The following EPAS1 variants were observed in gnomAD, a reference collection of about 807,000 sequenced individuals.
EPAS1 encodes endothelial PAS domain protein 1.
Under a neutral mutation model 87.9 loss-of-function variants are expected in EPAS1, and 23 were observed. The observed-to-expected ratio is 0.26, with a 90% CI of 0.19 to 0.37. The LOEUF (loss-of-function observed/expected upper bound fraction) is 0.37, where lower values mean the gene tolerates loss of function less well. Ranked by LOEUF, EPAS1 falls within the 10% of genes least tolerant of loss-of-function variation. The probability of loss-of-function intolerance (pLI) is 1.00; values close to 1 mark genes in which losing one functional copy is unlikely to be tolerated. For missense variants in EPAS1, 1,138 were observed against 1,120.7 expected, an observed-to-expected ratio of 1.02 and a Z score of -0.22; for synonymous variants, 508 against 444.3, an observed-to-expected ratio of 1.14 and a Z score of -1.80.
chr2:46,378,879 G>A (rs752007607), intron 11 of EPAS1, 112 bp downstream of exon 11: 13 of 1,056,854 alleles, frequency 1.2e-5, no homozygotes, highest in South Asian at 7.8e-5. Flanking sequence ...CAGTGGAGAC[G>A]TTTGGCCAAG....
rs1221007973 is a variant in EPAS1 at position 46,346,196 on chromosome 2, G to C, written c.27-677G>C. On this transcript the variant is annotated intron_variant, in intron 1 of 15. Transcript: ENST00000263734. This position sits in a 1 kb window ranked among gnomAD's most constrained non-coding sequence, Gnocchi z 4.0. ...GCAGCAAAGAGGAGAATGAGGCTGA[G>C]ACAGCCTGGCAACCTATGCTGGCAG... 1.3e-5 allele frequency among the ~76,000 whole-genome samples: 2 copies of C among 152,214 alleles called. No homozygotes were observed. The highest frequency in any genetic ancestry group is 2.9e-5 in the Non-Finnish European group (2 of 68,042).
rs1054739938 is a variant in EPAS1 at position 46,346,215 on chromosome 2, C to T, written c.27-658C>T. On this transcript the variant is annotated intron_variant, in intron 1 of 15. Coordinates refer to ENST00000263734, the MANE Select transcript of EPAS1 (RefSeq NM_001430.5). This position sits in a 1 kb window ranked among gnomAD's most constrained non-coding sequence, Gnocchi z 4.0. Reference sequence around the variant, plus strand: ...GGCTGAGACAGCCTGGCAACCTATGCTGGCAGGGCTTAGAGAGAAAATGTT... The same window carrying T: ...GGCTGAGACAGCCTGGCAACCTATGTTGGCAGGGCTTAGAGAGAAAATGTT... Among the ~76,000 whole-genome samples, 7 of 152,216 alleles carry T rather than the reference C, an allele frequency of 4.6e-5. No individual in the cohort carries two copies. Among genetic ancestry groups the T allele is most frequent in the Non-Finnish European group, 7.3e-5 (5 of 68,038 alleles).
chr2:46,316,082 T>C (rs1191028348), intron 1 of EPAS1, among the ~76,000 whole-genome samples: 4 of 152,202 alleles, frequency 2.6e-5, no homozygotes, highest in African/African-American at 9.7e-5. Flanking sequence ...ATCATGAATA[T>C]TGATATATAA....
chr2:46,331,453 A>G (rs1683671204), intron 1 of EPAS1, among the ~76,000 whole-genome samples: 1 of 152,202 alleles, frequency 6.6e-6, no homozygotes, highest in Non-Finnish European at 1.5e-5. Flanking sequence ...AAACAAAACA[A>G]AACTGTTTTA....
chr2:46,300,341 T>C lies in EPAS1; in HGVS notation c.26+2404T>C, dbSNP rs768758057. On this transcript the variant is annotated intron_variant, in intron 1 of 15. Coordinates refer to ENST00000263734, the MANE Select transcript of EPAS1 (RefSeq NM_001430.5). The surrounding 1 kb of genome is among the most constrained non-coding windows in gnomAD (Gnocchi z 4.1). The stretch of plus-strand genomic sequence containing the variant: ...GTGTTTCTTTGGTTTAGCAGAGCAG[T>C]TTCTTCCCCCAAATGCAATATGGGC... Among the ~76,000 whole-genome samples, 3 of 152,226 alleles carry C rather than the reference T, an allele frequency of 2.0e-5. No individual in the cohort carries two copies. Among genetic ancestry groups the C allele is most frequent in the Admixed American group, 6.5e-5 (1 of 15,290 alleles).
At position 46,346,851 on chromosome 2, in the gene EPAS1, T is replaced by C; in HGVS notation, c.27-22T>C. ...AGGCTGACAGTAACCTTTCCGGGAC[T>C]AACCCCTTCTTCTCCACTTAGGAGT... On this transcript the variant is annotated intron_variant, in intron 1 of 15. Transcript: ENST00000263734. This position sits in a 1 kb window ranked among gnomAD's most constrained non-coding sequence, Gnocchi z 4.0. 2 of 1,613,972 alleles carry C rather than the reference T, an allele frequency of 1.2e-6. No homozygotes were observed. Among genetic ancestry groups the C allele is most frequent in the Non-Finnish European group, 1.7e-6 (2 of 1,179,878 alleles).
chr2:46,302,204 TAAGTA>T (rs1465241992), intron 1 of EPAS1, among the ~76,000 whole-genome samples: 16 of 151,500 alleles, frequency 1.1e-4, no homozygotes, highest in African/African-American at 3.2e-4. Context: ...AGGAATTTAT[TAAGTA>T]AAGTGTTTAG....
rs562805187 is a variant in EPAS1 at position 46,385,586 on chromosome 2, G to A, written c.*926G>A. ...ACACTGTGGAAGGCCTCCCTCTGTC[G>A]GCTTTTTGCCATCTGTGATATGCCA... On this transcript the variant is annotated 3_prime_UTR_variant, in exon 16 of 16. Coordinates refer to ENST00000263734, the MANE Select transcript of EPAS1 (RefSeq NM_001430.5). 6.6e-6 allele frequency: 1 copy of A among 152,274 alleles called. No homozygotes were observed. Among genetic ancestry groups the A allele is most frequent in the East Asian group, 1.9e-4 (1 of 5,190 alleles). 9.4% of individuals were successfully genotyped at this position (152,274 alleles called of 1,614,324 possible). A position where few individuals can be genotyped will look rare whatever the true frequency, so the allele number is the denominator to read the frequency against.
chr2:46,361,754 T>C (rs1684391521), intron 6 of EPAS1, among the ~76,000 whole-genome samples: 1 of 152,192 alleles, frequency 6.6e-6, no homozygotes. Context: ...ATTAGAGTTG[T>C]TGAAAGAGTG....
chr2:46,386,187 G>A lies in EPAS1; in HGVS notation c.*1527G>A, dbSNP rs1029895373. 5 of 152,660 alleles carry A rather than the reference G, an allele frequency of 3.3e-5. No homozygotes were observed. The highest frequency in any genetic ancestry group is 7.3e-5 in the Non-Finnish European group (5 of 68,052). 9.5% of individuals were successfully genotyped at this position (152,660 alleles called of 1,614,324 possible). A position where few individuals can be genotyped will look rare whatever the true frequency, so the allele number is the denominator to read the frequency against. On this transcript the variant is annotated 3_prime_UTR_variant, in exon 16 of 16. Transcript: ENST00000263734. ...ACTTTGCAACTCCCTGGGTAAGAGG[G>A]ACGACACCTCTGGTTTTTCAATACC...
chr2:46,318,181 TACACAC>T (rs59285248), intron 1 of EPAS1, among the ~76,000 whole-genome samples: 2 of 150,578 alleles, frequency 1.3e-5, no homozygotes, highest in Non-Finnish European at 3.0e-5. Context: ...GAGAGAGAGA[TACACAC>T]ACACACACAC....
intron 1 of EPAS1, among the ~76,000 whole-genome samples, chr2:46,325,356 T>C (rs999588414): frequency 6.6e-6 from 1 of 152,220 alleles, no homozygotes; most frequent in Non-Finnish European, 1.5e-5. Context: ...CAAAAGAGCA[T>C]AAAGAAAAAT....
intron 1 of EPAS1, among the ~76,000 whole-genome samples, chr2:46,316,524 G>A (rs1403141803): frequency 3.3e-5 from 5 of 152,226 alleles, no homozygotes; most frequent in African/African-American, 1.2e-4. Context: ...GCCTCCCAAA[G>A]TGTTGGGATT....
chr2:46,381,877 G>A (rs1043523663), intron 13 of EPAS1, 98 bp from the exon 14 acceptor site: 1 of 1,529,312 alleles, frequency 6.5e-7, no homozygotes, highest in South Asian at 1.2e-5. Flanking sequence ...TTCCAAGCCA[G>A]CAAGTGCCAG....
At position 46,381,586 on chromosome 2, in the gene EPAS1, G is replaced by C. The variant is rs752464796; in HGVS notation, c.2046-10G>C. On this transcript the variant is annotated splice_polypyrimidine_tract_variant and intron_variant, in intron 12 of 15. Coordinates refer to ENST00000263734, the MANE Select transcript of EPAS1 (RefSeq NM_001430.5). Reference sequence around the variant, plus strand: ...GACTCCCTCATAGCCTGCTCTCTCGGGCTTGGCAGGTCTGCAAAGGGTTTT... The same window carrying C: ...GACTCCCTCATAGCCTGCTCTCTCGCGCTTGGCAGGTCTGCAAAGGGTTTT... The C allele has an allele frequency of 1.2e-6, 2 of 1,613,954 alleles. No homozygotes were observed. Among genetic ancestry groups the C allele is most frequent in the Middle Eastern group, 1.6e-4 (1 of 6,062 alleles).
intron 1 of EPAS1, among the ~76,000 whole-genome samples, chr2:46,327,049 T>C (rs1224584921): frequency 2.6e-5 from 4 of 152,234 alleles, no homozygotes; most frequent in African/African-American, 7.2e-5. Flanking sequence ...CCCATAAACA[T>C]TGGTCTCAGC....
intron 1 of EPAS1, among the ~76,000 whole-genome samples, chr2:46,312,452 C>T (rs538929278): frequency 6.6e-6 from 1 of 152,274 alleles, no homozygotes; most frequent in Admixed American, 6.5e-5. Flanking sequence ...TTCATAAAAC[C>T]ATGCATTTTT....
intron 1 of EPAS1, among the ~76,000 whole-genome samples, chr2:46,318,297 A>G (rs748910333): frequency 6.6e-6 from 1 of 152,162 alleles, no homozygotes; most frequent in Non-Finnish European, 1.5e-5. Flanking sequence ...TTTATGCCTA[A>G]AAACAATTAC....
At chr2:46,374,245 G>A (rs1684685276) in intron 7 of EPAS1, among the ~76,000 whole-genome samples, 2 of 152,162 alleles carry the variant, frequency 1.3e-5, no homozygotes, top group South Asian at 2.1e-4. Context: ...GGAGGCCTGC[G>A]AGCCTACCAG....
Sources: allele counts gnomAD v4.1 joint callset (sites outside exome capture counted in the v4.1 genomes callset), GRCh38; gene constraint gnomAD v4.1.1; non-coding constraint Gnocchi (gnomAD v3.1); transcripts MANE v1.5; gene names NCBI Gene and HGNC (gene_info 2026-07-23, HGNC 2026-07-21).